The following EVA1A variants were observed in gnomAD, a reference collection of about 807,000 sequenced individuals.
EVA1A encodes the protein eva-1 homolog A, regulator of programmed cell death, also known as protein eva-1 homolog A.
A neutral mutation model predicts 9.8 loss-of-function variants in EVA1A; 7 were observed. That is an observed-to-expected ratio of 0.71 (90% CI 0.41 to 1.34). EVA1A has a LOEUF of 1.34. EVA1A is among the 40% of genes most tolerant of loss of function. The pLI is 0.01. For synonymous variants in EVA1A, 90 were observed against 85.6 expected (o/e 1.05, Z -0.28); for missense variants, 206 against 205.9 (o/e 1.00, Z 0.00).
intron 1 of EVA1A, among the ~76,000 whole-genome samples, chr2:75,567,223 T>C (rs1449817981): frequency 6.6e-6 from 1 of 152,236 alleles, no homozygotes; most frequent in African/African-American, 2.4e-5. Context: ...AATTGAGATA[T>C]CACACTACAT....
chr2:75,538,710 A>C (rs1330488466), intron 1 of EVA1A, among the ~76,000 whole-genome samples: 1 of 152,256 alleles, frequency 6.6e-6, no homozygotes, highest in Non-Finnish European at 1.5e-5. Flanking sequence ...TGAATTCCAG[A>C]GGATTATTCT....
At chr2:75,533,520 G>C (rs1404210631) in intron 1 of EVA1A, among the ~76,000 whole-genome samples, 1 of 152,152 alleles carries the variant, frequency 6.6e-6, no homozygotes, top group Non-Finnish European at 1.5e-5. Context: ...AAGATATCAT[G>C]AGATATCAAG....
intron 1 of EVA1A, among the ~76,000 whole-genome samples, chr2:75,539,943 G>A (rs1349828931): frequency 2.0e-5 from 3 of 152,194 alleles, no homozygotes; most frequent in African/African-American, 4.8e-5. Context: ...AGGAACCATG[G>A]AGGACACAAA....
At chr2:75,535,241 T>C (rs2110490) in intron 1 of EVA1A, among the ~76,000 whole-genome samples, 65,561 of 149,266 alleles carry the variant, frequency 0.44, 16,296 homozygotes, top group African/African-American at 0.69. Context: ...CACTTATCCT[T>C]ACTGGAATGG....
intron 1 of EVA1A, among the ~76,000 whole-genome samples, chr2:75,554,183 T>G (rs77452779): frequency 0.028 from 4,303 of 152,270 alleles, 114 homozygotes; most frequent in East Asian, 0.12. Context: ...CCCATCTGAA[T>G]GACAAGGGCA....
At chr2:75,526,883 G>A (rs1057450992) in intron 1 of EVA1A, among the ~76,000 whole-genome samples, 17 of 152,226 alleles carry the variant, frequency 1.1e-4, no homozygotes, top group Non-Finnish European at 4.4e-5. Context: ...ACTGGCAGAA[G>A]TGTGCAGGAT....
chr2:75,549,742 A>T lies in EVA1A; in HGVS notation c.-192+10938T>A, dbSNP rs1263603871. On this transcript the variant is annotated intron_variant, in intron 1 of 3. Transcript: ENST00000393913. The stretch of plus-strand genomic sequence containing the variant: ...TGCTGCTTTGTGTGGGGAAAGAAAA[A>T]TACCCCAAGGCCATTTCCCGTGTGG... Among the ~76,000 whole-genome samples, 15 of 152,258 alleles carry T rather than the reference A, an allele frequency of 9.9e-5. No homozygotes were observed. The East Asian group carries it at 2.7e-3, about 27-fold the overall frequency.
In EVA1A at chr2:75,507,810, C is replaced by T. The variant is rs1192317599; in HGVS notation, c.85+10246G>A. ...AAAAGTCTATACCTGCTGATCAGAGCCTCACACCTCAGGGGGCTCAGCCCT... is the reference window on the plus strand; with the variant it reads ...AAAAGTCTATACCTGCTGATCAGAGTCTCACACCTCAGGGGGCTCAGCCCT... On this transcript the variant is annotated intron_variant, in intron 3 of 3. Coordinates refer to ENST00000393913, the MANE Select transcript of EVA1A (RefSeq NM_001135032.2). 2.0e-5 allele frequency among the ~76,000 whole-genome samples: 3 copies of T among 152,184 alleles called. No homozygotes were observed. The South Asian group carries it at 6.2e-4, about 32-fold the overall frequency.
rs574719571 is a variant in EVA1A at position 75,534,042 on chromosome 2, G to A, written c.-191-11555C>T. ...TTAGCCAGGATGGTCTCGATCTCCT[G>A]ACTTCGTGATCCTCCCACCTCAGCC... On this transcript the variant is annotated intron_variant, in intron 1 of 3. Transcript: ENST00000393913. Among the ~76,000 whole-genome samples the A allele has an allele frequency of 2.1e-3, 325 of 151,988 alleles. 2 individuals are homozygous for A. Among genetic ancestry groups the A allele is most frequent in the African/African-American group, 6.9e-3 (288 of 41,448 alleles).
rs75170930 is a variant in EVA1A, at chr2:75,507,800, C to T, written c.85+10256G>A. ...CTCCCTCCTGAAAAGTCTATACCTG[C>T]TGATCAGAGCCTCACACCTCAGGGG... On this transcript the variant is annotated intron_variant, in intron 3 of 3. Coordinates refer to ENST00000393913, the MANE Select transcript of EVA1A (RefSeq NM_001135032.2). Among the ~76,000 whole-genome samples the T allele has an allele frequency of 1.2e-4, 19 of 152,308 alleles. No homozygotes were observed. In the East Asian group the frequency reaches 3.7e-3, roughly 29 times the overall value.
intron 3 of EVA1A, among the ~76,000 whole-genome samples, chr2:75,498,811 T>C (rs1674307248): frequency 6.6e-6 from 1 of 152,006 alleles, no homozygotes; most frequent in South Asian, 2.1e-4. Context: ...CTTTTTTTTT[T>C]TTTTTAAAAA....
intron 1 of EVA1A, among the ~76,000 whole-genome samples, chr2:75,532,718 T>C (rs1675712325): frequency 6.6e-6 from 1 of 152,138 alleles, no homozygotes; most frequent in South Asian, 2.1e-4. Context: ...ATCAAAGAAA[T>C]AATGGCTTTA....
intron 3 of EVA1A, among the ~76,000 whole-genome samples, chr2:75,513,545 A>C (rs2103829906): frequency 6.6e-6 from 1 of 152,320 alleles, no homozygotes; most frequent in South Asian, 2.1e-4. Context: ...GTATATACCC[A>C]TAGGAAGTGA....
chr2:75,528,076 G>A (rs924498198), intron 1 of EVA1A, among the ~76,000 whole-genome samples: 3 of 152,246 alleles, frequency 2.0e-5, no homozygotes, highest in Admixed American at 6.5e-5. Flanking sequence ...GCAGTGGGAA[G>A]TGCCCTGTAG....
intron 1 of EVA1A, among the ~76,000 whole-genome samples, chr2:75,533,124 G>T (rs1414251615): frequency 6.7e-6 from 1 of 148,854 alleles, no homozygotes; most frequent in East Asian, 2.0e-4. Flanking sequence ...ACTCCAGCCT[G>T]AGTGACAGAG....
At chr2:75,515,538 A>G (rs1187461230) in intron 3 of EVA1A, among the ~76,000 whole-genome samples, 2 of 152,180 alleles carry the variant, frequency 1.3e-5, no homozygotes, top group East Asian at 3.8e-4. Flanking sequence ...TCCTTGCCCA[A>G]AGAGAAATCC....
chr2:75,559,255 T>G (rs559674713), intron 1 of EVA1A, among the ~76,000 whole-genome samples: 336 of 152,342 alleles, frequency 2.2e-3, no homozygotes, highest in Non-Finnish European at 3.5e-3. Context: ...CCTCTTCTAC[T>G]TACATGATGA....
intron 3 of EVA1A, among the ~76,000 whole-genome samples, chr2:75,498,570 G>A (rs1432920371): frequency 6.6e-6 from 1 of 152,182 alleles, no homozygotes; most frequent in Non-Finnish European, 1.5e-5. Flanking sequence ...CAATTTTTAT[G>A]TTGATTCAAA....
At chr2:75,550,900 G>C (rs1169109344) in intron 1 of EVA1A, among the ~76,000 whole-genome samples, 2 of 152,206 alleles carry the variant, frequency 1.3e-5, no homozygotes, top group African/African-American at 4.8e-5. Context: ...AAGGAGGGCA[G>C]ATCACGAAGT....
Sources: gnomAD v4.1 joint callset for allele counts (sites outside exome capture counted in the v4.1 genomes callset) on GRCh38, gnomAD v4.1.1 for gene constraint, MANE v1.5 for transcripts, NCBI Gene and HGNC (gene_info 2026-07-23, HGNC 2026-07-21) for gene names.